Variants in TMEM144 observed in about 807,000 individuals in gnomAD.
The protein encoded by TMEM144 is transmembrane protein 144.
Under a neutral mutation model 43.6 loss-of-function variants are expected in TMEM144, and 39 were observed. That is an observed-to-expected ratio of 0.90 (90% CI 0.69 to 1.17). TMEM144 has a LOEUF of 1.17. TMEM144 is among the 50% of genes most tolerant of loss of function. The pLI, the probability that TMEM144 is intolerant of heterozygous loss-of-function variation, is 0.00. For synonymous variants in TMEM144, 154 were observed against 133.6 expected, an observed-to-expected ratio of 1.15 and a Z score of -1.06; for missense variants, 417 against 411.9, an observed-to-expected ratio of 1.01 and a Z score of -0.11.
Position 158,240,308 on chromosome 4 carries a change from ATG to A in TMEM144, c.696_697del (p.Phe233CysfsTer24). On this transcript the variant is annotated frameshift_variant, in exon 10 of 13. Transcript: ENST00000296529. LOFTEE classifies it high-confidence loss of function. ...TAATGTCTATTTTCAGATTTAGACT[ATG>A]TGTTTGCGCACTTCAGTGGCATCTT... 6.2e-7 allele frequency: 1 copy of A among 1,611,300 alleles called. No homozygotes were observed.
intron 11 of TMEM144, 144 bp downstream of exon 11, chr4:158,241,750 A>C: frequency 1.7e-6 from 1 of 588,096 alleles, no homozygotes. Context: ...AGATAAACTG[A>C]CCCTCTTGAA....
intron 8 of TMEM144, 120 bp from the exon 9 acceptor site, chr4:158,237,405 A>C: frequency 1.3e-6 from 1 of 741,170 alleles, no homozygotes; most frequent in Non-Finnish European, 2.3e-6. Context: ...GCTTGAGATA[A>C]ATGGATGGTT....
At chr4:158,252,919 G>A (rs554278463) in intron 12 of TMEM144, among the ~76,000 whole-genome samples, 1 of 152,184 alleles carries the variant, frequency 6.6e-6, no homozygotes, top group South Asian at 2.1e-4. Context: ...GATTGCTTCA[G>A]TCACACTAAC....
intron 12 of TMEM144, among the ~76,000 whole-genome samples, chr4:158,252,177 A>G (rs1459464159): frequency 6.6e-6 from 1 of 152,232 alleles, no homozygotes; most frequent in Non-Finnish European, 1.5e-5. Flanking sequence ...AAATATTTCT[A>G]CTTAACACAG....
At chr4:158,226,239 A>C (rs910290674) in intron 6 of TMEM144, among the ~76,000 whole-genome samples, 6 of 152,226 alleles carry the variant, frequency 3.9e-5, no homozygotes, top group Admixed American at 2.0e-4. Flanking sequence ...TTAGTGTGTT[A>C]TTAATGTTAA....
At chr4:158,217,700 C>T (rs554568773) in intron 5 of TMEM144, among the ~76,000 whole-genome samples, 4 of 152,286 alleles carry the variant, frequency 2.6e-5, no homozygotes, top group African/African-American at 9.6e-5. Context: ...TATTGTGTGA[C>T]AATTTGCTGG....
rs1735568579 is a variant in TMEM144, at chr4:158,240,338, T to C, written c.722T>C (p.Leu241Pro). Residue 241 changes from leucine (L) to proline (P), a missense_variant, in exon 10 of 13, where the codon CTT (leucine) becomes CCT (proline). Physicochemically the swap from Leu to Pro is moderately conservative, Grantham distance 98. Coordinates refer to ENST00000296529, the MANE Select transcript of TMEM144 (RefSeq NM_018342.5). ...YVFAHFSGIF[L>P]TSTVYFLAYC... ...TTTGCGCACTTCAGTGGCATCTTTC[T>C]TACAAGTACTGTCTACTTTCTGGCC... 1 of 1,613,772 alleles carries C rather than the reference T, an allele frequency of 6.2e-7. No individual in the cohort carries two copies. The highest frequency in any genetic ancestry group is 1.7e-5 in the Admixed American group (1 of 59,942).
intron 6 of TMEM144, among the ~76,000 whole-genome samples, chr4:158,225,164 C>T (rs1180325192): frequency 6.6e-6 from 1 of 152,190 alleles, no homozygotes; most frequent in Non-Finnish European, 1.5e-5. Context: ...AGGGCCATTG[C>T]TGCTAACGCC....
intron 8 of TMEM144, among the ~76,000 whole-genome samples, chr4:158,236,296 C>T (rs1022476085): frequency 6.6e-6 from 1 of 152,068 alleles, no homozygotes; most frequent in African/African-American, 2.4e-5. Context: ...GAATAACAAA[C>T]AACATTTGGA....
In TMEM144 at chr4:158,241,621, T is replaced by A; in HGVS notation, c.900+15T>A. 6.2e-7 allele frequency: 1 copy of A among 1,608,100 alleles called. No individual in the cohort carries two copies. The highest frequency in any genetic ancestry group is 2.2e-5 in the East Asian group (1 of 44,822). On this transcript the variant is annotated intron_variant, in intron 11 of 12. Transcript: ENST00000296529. ...TAATCACTGCTGTAAGTAGCTGAAC[T>A]GGTTTTCCTAATTTTCATTTTATAA...
Position 158,215,114 on chromosome 4 carries a change from T to A in TMEM144, c.110-77T>A, listed in dbSNP as rs943965128. The A allele has an allele frequency of 2.5e-6, 4 of 1,586,198 alleles. No homozygotes were observed. In the African/African-American group the frequency reaches 5.4e-5, roughly 21 times the overall value. ...ATAAATTGTGGCCATTCCTGTAATATCACCTCATAGATATTCCTGAGCACA... is the reference window on the plus strand; with the variant it reads ...ATAAATTGTGGCCATTCCTGTAATAACACCTCATAGATATTCCTGAGCACA... On this transcript the variant is annotated intron_variant, in intron 3 of 12. Transcript: ENST00000296529.
At chr4:158,219,195 T>G in intron 5 of TMEM144, 115 bp from the exon 6 acceptor site, 1 of 951,164 alleles carries the variant, frequency 1.1e-6, no homozygotes, top group Non-Finnish European at 1.7e-6. Flanking sequence ...TCACAGCTAA[T>G]AAGTGAGAGA....
chr4:158,232,063 T>G (rs879609537), intron 6 of TMEM144, among the ~76,000 whole-genome samples: 3 of 152,238 alleles, frequency 2.0e-5, no homozygotes, highest in Non-Finnish European at 2.9e-5. Context: ...TTAAAAGTAT[T>G]TCAAAAGAGA....
At chr4:158,253,419 A>G (rs920600988) in intron 12 of TMEM144, 25 bp from the exon 13 acceptor site, 3 of 1,572,184 alleles carry the variant, frequency 1.9e-6, no homozygotes, top group Non-Finnish European at 2.6e-6. Context: ...CTTATTCATC[A>G]CTGTTATTCT....
At chr4:158,253,260 G>A (rs555637361) in intron 12 of TMEM144, among the ~76,000 whole-genome samples, 184 bp from the exon 13 acceptor site, 7 of 152,248 alleles carry the variant, frequency 4.6e-5, no homozygotes, top group African/African-American at 1.7e-4. Context: ...ATTTATTTAC[G>A]GAATGGGTGA....
chr4:158,214,602 C>A (rs1458816237), intron 3 of TMEM144, among the ~76,000 whole-genome samples: 1 of 152,144 alleles, frequency 6.6e-6, no homozygotes, highest in Non-Finnish European at 1.5e-5. Context: ...GTATAGAAAG[C>A]AGAGTAACCT....
chr4:158,234,131 A>T (rs995516391), intron 7 of TMEM144: 1 of 152,264 alleles, frequency 6.6e-6, no homozygotes, highest in South Asian at 2.1e-4. Flanking sequence ...GCTCCTTATG[A>T]TGAAAGAAAC....
Position 158,235,414 on chromosome 4 carries a change from A to C in TMEM144, c.496-24A>C, listed in dbSNP as rs763433798. On this transcript the variant is annotated intron_variant, in intron 7 of 12. Coordinates refer to ENST00000296529, the MANE Select transcript of TMEM144 (RefSeq NM_018342.5). ...TATCAATTGAATGTTCTTTTGTTTT[A>C]ATTTGGGCCAATGTTTTCAATAGGT... 1.9e-6 allele frequency: 3 copies of C among 1,611,254 alleles called. No individual in the cohort carries two copies. The South Asian group carries it at 3.3e-5, about 18-fold the overall frequency.
At chr4:158,224,873 TG>T (rs1405072602) in intron 6 of TMEM144, among the ~76,000 whole-genome samples, 1 of 152,108 alleles carries the variant, frequency 6.6e-6, no homozygotes, top group African/African-American at 2.4e-5. Context: ...TGTTTAAGGG[TG>T]GTCTCAGAGG....
Sources: allele counts gnomAD v4.1 joint callset (sites outside exome capture counted in the v4.1 genomes callset), GRCh38; gene constraint gnomAD v4.1.1; transcripts MANE v1.5; gene names NCBI Gene and HGNC (gene_info 2026-07-23, HGNC 2026-07-21).